The following CNTNAP2 variants were observed in gnomAD, a reference collection of about 807,000 sequenced individuals.
CNTNAP2 encodes contactin associated protein 2.
In CNTNAP2, 98 loss-of-function variants were observed where a neutral mutation model predicts 155.2. That is an observed-to-expected ratio of 0.63 (90% CI 0.54 to 0.75). The LOEUF (loss-of-function observed/expected upper bound fraction) is 0.75, where lower values mean the gene tolerates loss of function less well. Among genes scored for constraint, CNTNAP2 ranks in the 30% least tolerant of loss-of-function variants. The pLI is 0.00. For missense variants in CNTNAP2, 1,727 were observed against 1,688.1 expected, an observed-to-expected ratio of 1.02 and a Z score of -0.40; for synonymous variants, 651 against 631.2, an observed-to-expected ratio of 1.03 and a Z score of -0.47.
chr7:148,279,707 G>A (rs1226397449), intron 21 of CNTNAP2, among the ~76,000 whole-genome samples: 6 of 151,772 alleles, frequency 4.0e-5, no homozygotes, highest in Non-Finnish European at 1.5e-5. Context: ...ACTGGGAAAG[G>A]CAAAAAAGAA....
rs373386676 is a variant in CNTNAP2 at position 148,263,683 on chromosome 7, A to G, written c.3382-3350A>G. On this transcript the variant is annotated intron_variant, in intron 20 of 23. Transcript: ENST00000361727. ...ACCCGGGAGGCGGAGCTTGCAGTGA[A>G]CCGAGATGGTGCCTCTGCACTCCAG... Among the ~76,000 whole-genome samples the G allele has an allele frequency of 1.5e-4, 22 of 151,154 alleles. No homozygotes were observed. The South Asian group carries it at 2.3e-3, about 16-fold the overall frequency.
At chr7:147,815,386 C>T (rs902365246) in intron 13 of CNTNAP2, among the ~76,000 whole-genome samples, 1 of 152,140 alleles carries the variant, frequency 6.6e-6, no homozygotes, top group Non-Finnish European at 1.5e-5. Flanking sequence ...TCCATGTGAC[C>T]ATAGGACTGA....
intron 1 of CNTNAP2, among the ~76,000 whole-genome samples, chr7:146,232,192 C>G (rs1799396583): frequency 1.3e-5 from 2 of 150,434 alleles, no homozygotes; most frequent in African/African-American, 5.0e-5. Context: ...GGGCAAAGCT[C>G]AAAATAAGCT....
chr7:147,116,895 C>T (rs1316986120), intron 5 of CNTNAP2, among the ~76,000 whole-genome samples: 1 of 152,134 alleles, frequency 6.6e-6, no homozygotes, highest in Non-Finnish European at 1.5e-5. Flanking sequence ...TCCTCCTTGT[C>T]TGGACTCTTT....
At chr7:147,208,697 GA>G (rs1250100553) in intron 8 of CNTNAP2, among the ~76,000 whole-genome samples, 2 of 151,850 alleles carry the variant, frequency 1.3e-5, no homozygotes, top group African/African-American at 4.8e-5. Flanking sequence ...CATATATTCA[GA>G]AATGTTTCTA....
intron 3 of CNTNAP2, among the ~76,000 whole-genome samples, chr7:146,926,192 C>A (rs954652490): frequency 1.3e-5 from 2 of 151,944 alleles, no homozygotes; most frequent in Non-Finnish European, 2.9e-5. Context: ...ACCATGAATT[C>A]TTATATTTCT....
intron 13 of CNTNAP2, among the ~76,000 whole-genome samples, chr7:147,858,279 G>C (rs558057618): frequency 6.6e-6 from 1 of 152,232 alleles, no homozygotes; most frequent in East Asian, 1.9e-4. Context: ...TAGAGACAGG[G>C]TTTCATCATA....
chr7:146,205,320 A>G (rs1275315549), intron 1 of CNTNAP2, among the ~76,000 whole-genome samples: 1 of 152,014 alleles, frequency 6.6e-6, no homozygotes. Flanking sequence ...ACAATTTATT[A>G]AATTGCTGAG....
chr7:148,104,351 C>G (rs773392257), intron 15 of CNTNAP2, among the ~76,000 whole-genome samples: 3 of 152,154 alleles, frequency 2.0e-5, no homozygotes, highest in Non-Finnish European at 4.4e-5. Context: ...AGTTTCACAT[C>G]CGTCATTCTG....
chr7:146,650,544 G>A (rs576012715), intron 1 of CNTNAP2, among the ~76,000 whole-genome samples: 10 of 151,980 alleles, frequency 6.6e-5, no homozygotes, highest in Non-Finnish European at 1.0e-4. Context: ...GGCCTGTTGC[G>A]GGGTGGGGGG....
At chr7:147,417,356 C>T (rs1049883987) in intron 10 of CNTNAP2, among the ~76,000 whole-genome samples, 10 of 152,176 alleles carry the variant, frequency 6.6e-5, no homozygotes, top group African/African-American at 2.4e-4. Context: ...CTTCCCAGGT[C>T]ATGGATGGCC....
chr7:148,369,643 C>CATT (rs10694264), intron 21 of CNTNAP2, among the ~76,000 whole-genome samples: 15,629 of 143,366 alleles, frequency 0.11, 1,080 homozygotes, highest in African/African-American at 0.21. Context: ...TGTTCTTTAT[C>CATT]ATTATTATTA....
chr7:146,509,817 C>A (rs1053831694), intron 1 of CNTNAP2, among the ~76,000 whole-genome samples: 1 of 152,178 alleles, frequency 6.6e-6, no homozygotes, highest in African/African-American at 2.4e-5. Flanking sequence ...CCATCCAATT[C>A]TGCTGGGAAA....
At chr7:148,278,304 C>T (rs1243667059) in intron 21 of CNTNAP2, among the ~76,000 whole-genome samples, 1 of 152,014 alleles carries the variant, frequency 6.6e-6, no homozygotes, top group Non-Finnish European at 1.5e-5. Flanking sequence ...CGGTGGCTCA[C>T]GCCTGTAATC....
intron 1 of CNTNAP2, among the ~76,000 whole-genome samples, chr7:146,273,086 A>AGAG (rs1563016942): frequency 0.057 from 7,857 of 137,976 alleles, 653 homozygotes; most frequent in African/African-American, 0.19. Context: ...GAGAAAGAGA[A>AGAG]AGAGAGAGAG....
chr7:147,286,182 A>G (rs917492334), intron 8 of CNTNAP2, among the ~76,000 whole-genome samples: 3 of 152,076 alleles, frequency 2.0e-5, no homozygotes, highest in African/African-American at 7.2e-5. Context: ...TCAATTTTCT[A>G]TAAACCAAGG....
At chr7:146,117,233 T>C in intron 1 of CNTNAP2, 2 of 520,532 alleles carry the variant, frequency 3.8e-6, no homozygotes, top group South Asian at 2.5e-5. Context: ...AGAGCTTGGC[T>C]AGAGAGACTG....
intron 1 of CNTNAP2, among the ~76,000 whole-genome samples, chr7:146,273,035 C>T (rs1307982123): frequency 6.8e-6 from 1 of 148,118 alleles, no homozygotes; most frequent in Non-Finnish European, 1.5e-5. Flanking sequence ...GAGTGAGGTA[C>T]AGATTGGCAC....
At chr7:146,820,438 C>A (rs1219025789) in intron 2 of CNTNAP2, among the ~76,000 whole-genome samples, 1 of 152,004 alleles carries the variant, frequency 6.6e-6, no homozygotes, top group South Asian at 2.1e-4. Context: ...ACTTTTAAAA[C>A]CTCAGACATT....
Sources: allele counts gnomAD v4.1 joint callset (sites outside exome capture counted in the v4.1 genomes callset), GRCh38; gene constraint gnomAD v4.1.1; transcripts MANE v1.5; gene names NCBI Gene and HGNC (gene_info 2026-07-23, HGNC 2026-07-21).